NBPF12: variants seen among roughly 807,000 people sequenced by gnomAD.
NBPF12 encodes NBPF member 12, also known as NBPF family member NBPF12.
A neutral mutation model predicts 146.4 loss-of-function variants in NBPF12; 115 were observed. The observed-to-expected ratio is 0.79, with a 90% confidence interval of 0.68 to 0.92. The LOEUF (loss-of-function observed/expected upper bound fraction) is 0.92. Ranked by LOEUF, NBPF12 falls within the 40% of genes least tolerant of loss-of-function variation. NBPF12 has a pLI of 0.00. For synonymous variants in NBPF12, 385 were observed against 508.9 expected (o/e 0.76, Z 3.28); for missense variants, 1,205 against 1,326.8 (o/e 0.91, Z 1.43).
At chr1:146,972,103 A>T (rs1458671921) in intron 13 of NBPF12, among the ~76,000 whole-genome samples, 2 of 148,270 alleles carry the variant, frequency 1.3e-5, no homozygotes, top group Admixed American at 1.3e-4. Context: ...AAAAAAAAAA[A>T]GTAAGTCTCT....
intron 2 of NBPF12, among the ~76,000 whole-genome samples, chr1:146,954,389 CAAAAAAAAAAAAA>C (rs1170420550): frequency 1.2e-4 from 3 of 24,020 alleles, no homozygotes; most frequent in Admixed American, 6.9e-4. Flanking sequence ...GACTCTGTCT[CAAAAAAAAAAAAA>C]AAAAAAAAAA....
chr1:146,944,329 G>A (rs1159663614), upstream of NBPF12, among the ~76,000 whole-genome samples: 3 of 143,032 alleles, frequency 2.1e-5, no homozygotes, highest in East Asian at 4.2e-4. Context: ...TTGAGAGGGG[G>A]AGAAAGAAAG....
rs1168098745 is a variant in NBPF12, at chr1:146,959,249, C to T, written c.-183-610C>T. On this transcript the variant is annotated intron_variant, in intron 2 of 33. Transcript: ENST00000617844. The stretch of plus-strand genomic sequence containing the variant: ...CCAGCACTTTTGGAGGCCGAGGCGG[C>T]AGATCACGAGGTCAGGAGATCGAGA... Among the ~76,000 whole-genome samples the T allele has an allele frequency of 3.4e-5, 2 of 58,526 alleles. 1 individual carries two copies. The highest frequency in any genetic ancestry group is 1.3e-4 in the African/African-American group (2 of 15,622). 38.4% of individuals were successfully genotyped at this position (58,526 alleles called of 152,430 possible).
At chr1:146,984,691 T>A (rs1422025289) in intron 21 of NBPF12, 122 bp from the exon 25 acceptor site, 1 of 743,774 alleles carries the variant, frequency 1.3e-6, no homozygotes, top group Admixed American at 2.1e-5. Flanking sequence ...ATTTGTTACC[T>A]CATTAATGGA....
intron 12 of NBPF12, 127 bp downstream of exon 15, chr1:146,970,846 A>G: frequency 9.6e-7 from 1 of 1,037,366 alleles, no homozygotes. Flanking sequence ...TGTGAAATTC[A>G]ACCCAGCTTA....
chr1:146,947,897 A>G (rs1655143274), upstream of NBPF12, among the ~76,000 whole-genome samples: 2 of 151,900 alleles, frequency 1.3e-5, no homozygotes, highest in Admixed American at 6.6e-5. Context: ...TTGTTACCAA[A>G]CCTTGTCTGG....
intron 4 of NBPF12, 66 bp from the exon 8 acceptor site, chr1:146,962,095 G>T: frequency 5.3e-6 from 8 of 1,509,614 alleles, no homozygotes; most frequent in South Asian, 1.1e-5. Flanking sequence ...CTCCTGCCCT[G>T]TAGGCAGTGA....
intron 16 of NBPF12, among the ~76,000 whole-genome samples, chr1:146,976,586 C>A (rs1386311233): frequency 6.8e-6 from 1 of 147,654 alleles, no homozygotes; most frequent in East Asian, 2.0e-4. Flanking sequence ...GAAATGCAAA[C>A]TGTGACAGGA....
chr1:146,957,892 C>CTTATT (rs1202691907), intron 2 of NBPF12, among the ~76,000 whole-genome samples: 1 of 109,624 alleles, frequency 9.1e-6, no homozygotes. Context: ...TGTATATACA[C>CTTATT]ATATATATAC....
At chr1:146,986,098 A>G (rs1271221386) in intron 23 of NBPF12, among the ~76,000 whole-genome samples, 1 of 151,812 alleles carries the variant, frequency 6.6e-6, no homozygotes, top group Non-Finnish European at 1.5e-5. Context: ...TGACCCCTTC[A>G]TCAGTGTGTC....
chr1:146,984,769 C>G, intron 21 of NBPF12, 44 bp from the exon 25 acceptor site: 3 of 937,276 alleles, frequency 3.2e-6, no homozygotes, highest in Non-Finnish European at 5.3e-6. Flanking sequence ...TGTGTGGTTT[C>G]TGATTCCCCC....
intron 14 of NBPF12, among the ~76,000 whole-genome samples, chr1:146,974,123 CTATT>C (rs1656838689): frequency 1.3e-5 from 2 of 150,018 alleles, no homozygotes; most frequent in African/African-American, 5.0e-5. Context: ...TAAACACTAT[CTATT>C]AGTTCTTCAT....
At chr1:146,971,121 C>A (rs1656584022) in intron 12 of NBPF12, 62 bp from the exon 16 acceptor site, 1 of 1,608,164 alleles carries the variant, frequency 6.2e-7, no homozygotes, top group African/African-American at 1.4e-5. Flanking sequence ...AGCTAGGACT[C>A]CTTGGGGTCC....
chr1:146,946,809 ATGGTTT>A (rs1655097102), upstream of NBPF12, among the ~76,000 whole-genome samples: 1 of 151,568 alleles, frequency 6.6e-6, no homozygotes, highest in Non-Finnish European at 1.5e-5. Context: ...TAGGATTCTT[ATGGTTT>A]TGCACTTACA....
chr1:146,964,829 C>A, intron 7 of NBPF12, 64 bp from the exon 11 acceptor site: 3 of 1,596,014 alleles, frequency 1.9e-6, no homozygotes, highest in Non-Finnish European at 2.6e-6. Context: ...CCAGCTAGGA[C>A]TCCCTGGGGT....
intron 1 of NBPF12, 102 bp from the exon 5 acceptor site, chr1:146,951,246 T>A: frequency 1.5e-6 from 1 of 675,586 alleles, no homozygotes; most frequent in South Asian, 1.6e-5. Context: ...GGCACTCAAG[T>A]GAACAGGGCA....
In NBPF12 at chr1:146,967,661, C is replaced by T. The variant is rs1406747898; in HGVS notation, c.989-787C>T. ...GCAGTGCAGTGTACAGAGCAGGGAC[C>T]GTGGGCCTGTCTCCTGGGCTCCATC... On this transcript the variant is annotated intron_variant, in intron 9 of 33. Transcript: ENST00000617844. 1.0e-3 allele frequency among the ~76,000 whole-genome samples: 150 copies of T among 150,236 alleles called. 7 individuals are homozygous for T. Among genetic ancestry groups the T allele is most frequent in the Middle Eastern group, 3.4e-3 (1 of 294 alleles).
At chr1:146,972,824 A>G (rs1570866454) in exon 14 of NBPF12, 2 of 1,368,758 alleles carry the variant, frequency 1.5e-6, no homozygotes. Context: ...GCGAGAAGGC[A>G]GAGATGAACA....
intron 4 of NBPF12, 123 bp downstream of exon 7, chr1:146,960,441 A>G (rs1265911933): frequency 2.1e-4 from 126 of 612,222 alleles, no homozygotes; most frequent in Admixed American, 3.2e-4. Context: ...GAAAACAGAA[A>G]TGGGTATTTT....
Sources: allele counts gnomAD v4.1 joint callset (sites outside exome capture counted in the v4.1 genomes callset), GRCh38; gene constraint gnomAD v4.1.1; transcripts MANE v1.5; gene names NCBI Gene and HGNC (gene_info 2026-07-23, HGNC 2026-07-21).